Variants in ST8SIA5 observed in about 807,000 individuals in gnomAD.
ST8SIA5 encodes ST8 alpha-N-acetyl-neuraminide alpha-2,8-sialyltransferase 5, also known as alpha-2,8-sialyltransferase 8E.
In ST8SIA5, 24 loss-of-function variants were observed where a neutral mutation model predicts 40.2. The observed-to-expected ratio is 0.60, with a 90% CI of 0.43 to 0.84. The LOEUF (loss-of-function observed/expected upper bound fraction) is 0.84, where lower values mean the gene tolerates loss of function less well. ST8SIA5 is among the 40% of genes least tolerant of loss of function. The pLI is 0.00. For missense variants in ST8SIA5, 465 were observed against 498.5 expected, an observed-to-expected ratio of 0.93 and a Z score of 0.64; for synonymous variants, 198 against 201.8, an observed-to-expected ratio of 0.98 and a Z score of 0.16.
chr18:46,741,369 A>C (rs2040084976), intron 1 of ST8SIA5, among the ~76,000 whole-genome samples: 2 of 152,220 alleles, frequency 1.3e-5, no homozygotes, highest in Non-Finnish European at 2.9e-5. Flanking sequence ...ATAAGTCTTA[A>C]TTAGTAAGAC....
chr18:46,729,418 C>A (rs2039964627), intron 1 of ST8SIA5, among the ~76,000 whole-genome samples: 1 of 29,006 alleles, frequency 3.4e-5, no homozygotes, highest in Non-Finnish European at 7.9e-5. Flanking sequence ...CCAGAGGTCT[C>A]CTTAGGAAAA....
intron 1 of ST8SIA5, among the ~76,000 whole-genome samples, chr18:46,713,212 A>T (rs1161602033): frequency 1.3e-5 from 2 of 152,230 alleles, no homozygotes; most frequent in Non-Finnish European, 2.9e-5. Flanking sequence ...GAAAGTGGGG[A>T]GAAGGAGACA....
At chr18:46,701,431 G>A (rs897853486) in intron 2 of ST8SIA5, among the ~76,000 whole-genome samples, 1 of 152,038 alleles carries the variant, frequency 6.6e-6, no homozygotes, top group South Asian at 2.1e-4. Context: ...ATGAGCTACC[G>A]CAGGGATAGG....
intron 1 of ST8SIA5, among the ~76,000 whole-genome samples, chr18:46,744,935 GGA>G (rs1289592823): frequency 2.0e-5 from 3 of 152,120 alleles, no homozygotes; most frequent in Non-Finnish European, 4.4e-5. Context: ...ACAACTACAT[GGA>G]AACTGAACAA....
intron 1 of ST8SIA5, among the ~76,000 whole-genome samples, chr18:46,752,104 C>G (rs2040201387): frequency 6.6e-6 from 1 of 152,222 alleles, no homozygotes; most frequent in Non-Finnish European, 1.5e-5. Flanking sequence ...TCACTCAACT[C>G]TTGCCTGCAC....
Position 46,673,283 on chromosome 18 carries a change from C to A in ST8SIA5, c.*6759G>T, listed in dbSNP as rs763701325. 2.0e-5 allele frequency: 3 copies of A among 152,088 alleles called. No individual in the cohort carries two copies. The highest frequency in any genetic ancestry group is 4.4e-5 in the Non-Finnish European group (3 of 68,022). 9.4% of individuals were successfully genotyped at this position (152,088 alleles called of 1,614,324 possible). A position where few individuals can be genotyped will look rare whatever the true frequency, so the allele number is the denominator to read the frequency against. Reference sequence around the variant, plus strand: ...ATCTTTGTTTGTGTTAAAGCAAAACCAATTTTGTAAATGTTAGATTCCCGA... The same window carrying A: ...ATCTTTGTTTGTGTTAAAGCAAAACAAATTTTGTAAATGTTAGATTCCCGA... On this transcript the variant is annotated 3_prime_UTR_variant, in exon 7 of 7. Coordinates refer to ENST00000315087, the MANE Select transcript of ST8SIA5 (RefSeq NM_013305.6).
At chr18:46,719,728 C>CTCTCTT (rs2039839241) in intron 1 of ST8SIA5, among the ~76,000 whole-genome samples, 1 of 7,388 alleles carries the variant, frequency 1.4e-4, no homozygotes, top group East Asian at 9.6e-3. Flanking sequence ...CTCTCTTTCT[C>CTCTCTT]TCTCTTCTTT....
chr18:46,746,919 A>G (rs1387684499), intron 1 of ST8SIA5, among the ~76,000 whole-genome samples: 3 of 152,220 alleles, frequency 2.0e-5, no homozygotes, highest in African/African-American at 7.2e-5. Context: ...AACACCACAC[A>G]TCTACAACCA....
chr18:46,730,851 A>T (rs1443710694), intron 1 of ST8SIA5, among the ~76,000 whole-genome samples: 1 of 152,170 alleles, frequency 6.6e-6, no homozygotes, highest in Admixed American at 6.5e-5. Flanking sequence ...CACAGGAGCT[A>T]ATACCTGTAA....
chr18:46,729,647 AG>A (rs2039966893), intron 1 of ST8SIA5, among the ~76,000 whole-genome samples: 1 of 152,216 alleles, frequency 6.6e-6, no homozygotes, highest in Non-Finnish European at 1.5e-5. Context: ...GGCACCAGGC[AG>A]GGAGGGGTAT....
At position 46,688,685 on chromosome 18, in the gene ST8SIA5, TC is replaced by T. The variant is rs981522674; in HGVS notation, c.456+89del. ...CTGAGTCCAGAGGACCGTGAGTGAGTCAGGCAAAACCCCAGGGACATTGCCA... is the reference window on the plus strand; with the variant it reads ...CTGAGTCCAGAGGACCGTGAGTGAGTAGGCAAAACCCCAGGGACATTGCCA... On this transcript the variant is annotated intron_variant, in intron 4 of 6. Transcript: ENST00000315087. The T allele has an allele frequency of 3.3e-6, 5 of 1,493,502 alleles. No individual in the cohort carries two copies. The African/African-American group carries it at 7.0e-5, about 21-fold the overall frequency. The allele number at this position is 1,493,502 out of a possible 1,614,324, so 92.5% of individuals were successfully genotyped here.
intron 1 of ST8SIA5, among the ~76,000 whole-genome samples, chr18:46,727,502 G>A (rs2039942798): frequency 6.6e-6 from 1 of 152,100 alleles, no homozygotes; most frequent in South Asian, 2.1e-4. Flanking sequence ...AAAAACAGGT[G>A]GAACTACCTC....
chr18:46,719,405 G>C (rs1456184604), intron 1 of ST8SIA5, among the ~76,000 whole-genome samples: 4 of 152,198 alleles, frequency 2.6e-5, no homozygotes, highest in Non-Finnish European at 5.9e-5. Flanking sequence ...AGGCAATGGG[G>C]AGGAAGAAAG....
At chr18:46,693,827 C>T (rs191859806) in intron 2 of ST8SIA5, among the ~76,000 whole-genome samples, 16 of 152,322 alleles carry the variant, frequency 1.1e-4, no homozygotes, top group Non-Finnish European at 1.9e-4. Context: ...TCAGCAGTGC[C>T]TAAGCTCAGA....
Position 46,756,562 on chromosome 18 carries a change from G to A in ST8SIA5, c.-54C>T, listed in dbSNP as rs2040250601. ...GTACGGGGCGGCCAGGCAATGACTC[G>A]CGGGGTTCCGGGGCCCCGGGGGGCG... On this transcript the variant is annotated 5_prime_UTR_variant, in exon 1 of 7. Transcript: ENST00000315087. 1.9e-6 allele frequency: 3 copies of A among 1,589,284 alleles called. No homozygotes were observed. Among genetic ancestry groups the A allele is most frequent in the Non-Finnish European group, 1.7e-6 (2 of 1,167,494 alleles).
chr18:46,737,788 T>A (rs79612019), intron 1 of ST8SIA5, among the ~76,000 whole-genome samples: 2 of 152,068 alleles, frequency 1.3e-5, no homozygotes, highest in Non-Finnish European at 2.9e-5. Flanking sequence ...TTTTTTTTTT[T>A]GAGACAGAGT....
At chr18:46,683,418 AGGTCC>A (rs1292837129) in intron 5 of ST8SIA5, among the ~76,000 whole-genome samples, 1 of 152,146 alleles carries the variant, frequency 6.6e-6, no homozygotes, top group Non-Finnish European at 1.5e-5. Context: ...TTCCAGACAC[AGGTCC>A]TGTGCAAAGG....
intron 1 of ST8SIA5, among the ~76,000 whole-genome samples, chr18:46,708,830 TGTGA>T: frequency 6.6e-6 from 1 of 152,326 alleles, no homozygotes; most frequent in South Asian, 2.1e-4. Flanking sequence ...TCTAGGGATC[TGTGA>T]GTATCAAAAC....
At chr18:46,686,791 C>T (rs1175560146) in intron 4 of ST8SIA5, among the ~76,000 whole-genome samples, 1 of 136,878 alleles carries the variant, frequency 7.3e-6, no homozygotes, top group Non-Finnish European at 1.5e-5. Context: ...GTAAACTGCA[C>T]TATTAGACTT....
Sources: allele counts gnomAD v4.1 joint callset (sites outside exome capture counted in the v4.1 genomes callset), GRCh38; gene constraint gnomAD v4.1.1; transcripts MANE v1.5; gene names NCBI Gene and HGNC (gene_info 2026-07-23, HGNC 2026-07-21).